Variants in ADD3 observed in about 807,000 individuals in gnomAD.
The protein encoded by ADD3 is adducin 3.
ADD3 carries 25 observed loss-of-function variants against 80.2 expected under a neutral mutation model. The observed-to-expected ratio is 0.31, with a 90% CI of 0.23 to 0.44. ADD3 has a LOEUF of 0.44. ADD3 is among the 20% of genes least tolerant of loss of function. The pLI is 1.00. For missense variants in ADD3, 829 were observed against 847.5 expected (o/e 0.98, Z 0.27); for synonymous variants, 284 against 289.6 (o/e 0.98, Z 0.20).
intron 1 of ADD3, among the ~76,000 whole-genome samples, chr10:110,057,639 A>G (rs1858369096): frequency 2.0e-5 from 3 of 152,202 alleles, no homozygotes; most frequent in East Asian, 1.9e-4. Flanking sequence ...AATTTGCAGT[A>G]AAGTTTGAAA....
upstream of ADD3, among the ~76,000 whole-genome samples, chr10:110,002,079 G>A (rs1851497090): frequency 2.0e-5 from 3 of 152,006 alleles, no homozygotes; most frequent in Admixed American, 2.0e-4. Flanking sequence ...GATCGCTCGA[G>A]GCCAGGAGTT....
chr10:110,115,432 C>G (rs888154433), intron 3 of ADD3, among the ~76,000 whole-genome samples: 12 of 151,452 alleles, frequency 7.9e-5, no homozygotes, highest in African/African-American at 2.9e-4. Context: ...GGGAGGAGGA[C>G]CTGATCAGAA....
intron 1 of ADD3, among the ~76,000 whole-genome samples, chr10:110,062,200 TAAAAAAAAAAAAAAAAAAAAAAA>T (rs57540485): frequency 1.1e-4 from 4 of 35,198 alleles, no homozygotes; most frequent in African/African-American, 2.1e-4. Flanking sequence ...CTGTCTCTAC[TAAAAAAAAAAAAAAAAAAAAAAA>T]AAAAAAAAAA....
intron 12 of ADD3, 147 bp from the exon 13 acceptor site, chr10:110,130,216 G>A: frequency 1.3e-6 from 1 of 779,848 alleles, no homozygotes; most frequent in Non-Finnish European, 2.0e-6. Flanking sequence ...TTTAAACAAA[G>A]CATGTTACCT....
intron 1 of ADD3, among the ~76,000 whole-genome samples, chr10:110,070,660 A>G (rs2133634066): frequency 6.6e-6 from 1 of 152,300 alleles, no homozygotes; most frequent in South Asian, 2.1e-4. Context: ...CTGAGTATAT[A>G]GCAAATCTAT....
At chr10:110,077,912 TTG>T (rs1430226036) in intron 1 of ADD3, among the ~76,000 whole-genome samples, 3 of 152,208 alleles carry the variant, frequency 2.0e-5, no homozygotes, top group Non-Finnish European at 2.9e-5. Flanking sequence ...AGGCTGTGCT[TTG>T]TGTTATCTAT....
rs1329679473 is a variant in ADD3, at chr10:110,007,997, C to G, written c.-332C>G. 2 of 152,262 alleles carry G rather than the reference C, an allele frequency of 1.3e-5. No individual in the cohort carries two copies. Among genetic ancestry groups the G allele is most frequent in the Non-Finnish European group, 2.9e-5 (2 of 68,118 alleles). 9.4% of individuals were successfully genotyped at this position (152,262 alleles called of 1,614,324 possible). A position where few individuals can be genotyped will look rare whatever the true frequency, so the allele number is the denominator to read the frequency against. On this transcript the variant is annotated 5_prime_UTR_variant, in exon 1 of 15. Coordinates refer to ENST00000356080, the MANE Select transcript of ADD3 (RefSeq NM_016824.5). Reference sequence around the variant, plus strand: ...GCTAGTCCCGCCAGAGCGCGAGCCGCCAGCCCGTAACGGTCGCCAGTGTGA... The same window carrying G: ...GCTAGTCCCGCCAGAGCGCGAGCCGGCAGCCCGTAACGGTCGCCAGTGTGA...
intron 3 of ADD3, among the ~76,000 whole-genome samples, chr10:110,113,912 A>C (rs1042897475): frequency 6.6e-6 from 1 of 152,232 alleles, no homozygotes; most frequent in African/African-American, 2.4e-5. Context: ...GGACATAGAG[A>C]AGTAGTACTC....
intron 8 of ADD3, among the ~76,000 whole-genome samples, chr10:110,121,462 A>G (rs1851486048): frequency 6.6e-6 from 1 of 152,064 alleles, no homozygotes; most frequent in Non-Finnish European, 1.5e-5. Context: ...CAGCCTGGGC[A>G]ACAAGAGTGA....
intron 2 of ADD3, among the ~76,000 whole-genome samples, chr10:110,110,286 A>G (rs1248768276): frequency 6.6e-6 from 1 of 152,208 alleles, no homozygotes; most frequent in Non-Finnish European, 1.5e-5. Context: ...TCCATATCCA[A>G]GATGGGTGTG....
intron 1 of ADD3, among the ~76,000 whole-genome samples, chr10:110,032,047 G>A (rs1395025045): frequency 6.6e-6 from 1 of 152,040 alleles, no homozygotes; most frequent in East Asian, 1.9e-4. Flanking sequence ...AAATGTTTCA[G>A]ATGCCTTCAG....
intron 1 of ADD3, among the ~76,000 whole-genome samples, chr10:110,029,236 C>T (rs186313689): frequency 6.6e-6 from 1 of 152,156 alleles, no homozygotes; most frequent in Non-Finnish European, 1.5e-5. Flanking sequence ...GGAATGTAGA[C>T]ATTTTATGTC....
intron 1 of ADD3, among the ~76,000 whole-genome samples, chr10:110,083,194 G>C (rs996761037): frequency 1.3e-5 from 2 of 152,164 alleles, no homozygotes; most frequent in East Asian, 3.8e-4. Flanking sequence ...TAAGATGGAG[G>C]AACTTAGGAA....
intron 1 of ADD3, among the ~76,000 whole-genome samples, chr10:110,018,226 C>G (rs1207268917): frequency 6.6e-6 from 1 of 152,046 alleles, no homozygotes; most frequent in Non-Finnish European, 1.5e-5. Context: ...GTCAACTGGT[C>G]AAGAAAAGAG....
At chr10:110,096,346 C>CCT (rs1274044266) in intron 1 of ADD3, among the ~76,000 whole-genome samples, 1 of 152,150 alleles carries the variant, frequency 6.6e-6, no homozygotes, top group Non-Finnish European at 1.5e-5. Flanking sequence ...GCCTTGTCAG[C>CCT]CTCCACTAAT....
intron 1 of ADD3, among the ~76,000 whole-genome samples, chr10:110,037,482 G>C (rs1564873951): frequency 6.6e-6 from 1 of 151,762 alleles, no homozygotes; most frequent in Admixed American, 6.6e-5. Flanking sequence ...GTGGGCACCT[G>C]TAGTCCCAGC....
At chr10:110,061,481 A>G (rs1352501959) in intron 1 of ADD3, among the ~76,000 whole-genome samples, 1 of 152,208 alleles carries the variant, frequency 6.6e-6, no homozygotes, top group Non-Finnish European at 1.5e-5. Context: ...AGCATCTTCA[A>G]GAAGTACTTT....
chr10:110,132,113 A>G (rs1421262492), intron 13 of ADD3, among the ~76,000 whole-genome samples, 192 bp from the exon 14 acceptor site: 1 of 152,258 alleles, frequency 6.6e-6, no homozygotes, highest in Non-Finnish European at 1.5e-5. Flanking sequence ...GCAGCCAGAA[A>G]TGTTAACACA....
intron 1 of ADD3, among the ~76,000 whole-genome samples, chr10:110,040,919 T>G (rs1856239011): frequency 1.4e-5 from 2 of 142,172 alleles, no homozygotes; most frequent in South Asian, 2.2e-4. Flanking sequence ...GCACGCGCTC[T>G]CTCTCTCTCG....
Sources: gnomAD v4.1 joint callset for allele counts (sites outside exome capture counted in the v4.1 genomes callset) on GRCh38, gnomAD v4.1.1 for gene constraint, MANE v1.5 for transcripts, NCBI Gene and HGNC (gene_info 2026-07-23, HGNC 2026-07-21) for gene names.